The following SLC9C1 variants were observed in gnomAD, a reference collection of about 807,000 sequenced individuals.
The protein encoded by SLC9C1 is solute carrier family 9 member C1, also known as sodium/hydrogen exchanger 10.
A neutral mutation model predicts 140.9 loss-of-function variants in SLC9C1; 97 were observed. That is an observed-to-expected ratio of 0.69 (90% CI 0.58 to 0.82). The LOEUF (loss-of-function observed/expected upper bound fraction) is 0.82, where lower values mean the gene tolerates loss of function less well. SLC9C1 is among the 40% of genes least tolerant of loss of function. SLC9C1 has a pLI of 0.00. For missense variants in SLC9C1, 1,340 were observed against 1,389.3 expected (o/e 0.96, Z 0.56); for synonymous variants, 440 against 442.6 (o/e 0.99, Z 0.07).
chr3:112,235,575 A>T (rs1475004641), intron 12 of SLC9C1, among the ~76,000 whole-genome samples: 1 of 151,450 alleles, frequency 6.6e-6, no homozygotes, highest in East Asian at 2.0e-4. Context: ...GAATGCTTCC[A>T]GTTTTTGCCC....
At chr3:112,290,864 A>G (rs369858039) in intron 1 of SLC9C1, among the ~76,000 whole-genome samples, 1 of 150,212 alleles carries the variant, frequency 6.7e-6, no homozygotes, top group African/African-American at 2.5e-5. Flanking sequence ...TTTGTCTGAA[A>G]TCAGGATTGC....
At chr3:112,174,036 G>T (rs1458454187) in intron 23 of SLC9C1, among the ~76,000 whole-genome samples, 1 of 152,168 alleles carries the variant, frequency 6.6e-6, no homozygotes, top group Non-Finnish European at 1.5e-5. Flanking sequence ...TAAATGGTTA[G>T]TGATCGTCAG....
intron 1 of SLC9C1, among the ~76,000 whole-genome samples, chr3:112,288,042 C>CAAAAAAAAA (rs11462109): frequency 1.2e-5 from 1 of 81,828 alleles, no homozygotes; most frequent in Non-Finnish European, 2.2e-5. Context: ...GACTCCGTCT[C>CAAAAAAAAA]AAAAAAAAAA....
chr3:112,239,982 T>G lies in SLC9C1; in HGVS notation c.1304A>C (p.Lys435Thr). The G allele has an allele frequency of 6.2e-7, 1 of 1,611,642 alleles. No individual in the cohort carries two copies. The highest frequency in any genetic ancestry group is 8.5e-7 in the Non-Finnish European group (1 of 1,179,144). The change falls in exon 12 of 29, where the codon AAA (lysine) becomes ACA (threonine). Residue 435 changes from lysine (K) to threonine (T), a missense_variant. Physicochemically the swap from Lys to Thr is moderately conservative, Grantham distance 78. Coordinates refer to ENST00000305815, the MANE Select transcript of SLC9C1 (RefSeq NM_183061.3). ...AAATGTGCAACAAACCGATTTATAT[T>G]TTGTTGATGTGGCATCACGAAGACC... ...ILGLRDATST[K>T]YKSVCCTFQH...
chr3:112,291,004 A>G (rs776474584), intron 1 of SLC9C1, among the ~76,000 whole-genome samples: 7 of 151,894 alleles, frequency 4.6e-5, no homozygotes, highest in Non-Finnish European at 1.0e-4. Flanking sequence ...TCATCCTGAC[A>G]CTCTGTGCCT....
rs573499621 is a variant in SLC9C1, at chr3:112,221,191, A to C, written c.1607T>G (p.Leu536Arg). 1 of 1,613,698 alleles carries C rather than the reference A, an allele frequency of 6.2e-7. No individual in the cohort carries two copies. The highest frequency in any genetic ancestry group is 2.2e-5 in the East Asian group (1 of 44,864). The change falls in exon 14 of 29, where the codon CTG becomes CGG. Residue 536 changes from leucine to arginine, a missense_variant. Coordinates refer to ENST00000305815, the MANE Select transcript of SLC9C1 (RefSeq NM_183061.3). ...CAACACCTGGACAGCACTCTGGGAC[A>C]GAATCTCATTCCTGTATTGTCTCTG... ...SYQRQYRNEI[L>R]SQSAVQVLVG...
chr3:112,267,152 G>C lies in SLC9C1; in HGVS notation c.776-812C>G, dbSNP rs1434051168. On this transcript the variant is annotated intron_variant, in intron 7 of 28. Coordinates refer to ENST00000305815, the MANE Select transcript of SLC9C1 (RefSeq NM_183061.3). The stretch of plus-strand genomic sequence containing the variant: ...AAATTGGCTTGGCTTGCTGGCACAT[G>C]CCTGTAGTACCAGCTACTTAGGAGG... Among the ~76,000 whole-genome samples the C allele has an allele frequency of 2.6e-5, 4 of 152,076 alleles. No homozygotes were observed. The East Asian group carries it at 7.7e-4, about 29-fold the overall frequency.
intron 9 of SLC9C1, among the ~76,000 whole-genome samples, chr3:112,263,952 C>G (rs2108296174): frequency 6.6e-6 from 1 of 151,586 alleles, no homozygotes; most frequent in East Asian, 1.9e-4. Flanking sequence ...AATGTCATTA[C>G]AAAAACATTG....
At position 112,182,207 on chromosome 3, in the gene SLC9C1, G is replaced by A. The variant is rs745686391; in HGVS notation, c.2575C>T (p.Pro859Ser). 1.2e-6 allele frequency: 2 copies of A among 1,607,368 alleles called. No homozygotes were observed. The highest frequency in any genetic ancestry group is 1.7e-5 in the Admixed American group (1 of 59,380). ...EVLDSQSIIR[P>S]LTVEEVLYHI... ...TATAGAACTTCTTCAACAGTAAGAG[G>A]CCTGATAATAGATTGAGAATCAAGC... Residue 859 changes from proline (P) to serine (S), a missense_variant, in exon 21 of 29, where the codon CCT (proline) becomes TCT (serine). By Grantham distance (74) the Pro-to-Ser change is moderately conservative. Transcript: ENST00000305815.
At chr3:112,161,590 G>T (rs2107887947) in intron 26 of SLC9C1, among the ~76,000 whole-genome samples, 1 of 152,100 alleles carries the variant, frequency 6.6e-6, no homozygotes. Context: ...TAGATATGTG[G>T]CGTTATTTCT....
intron 15 of SLC9C1, among the ~76,000 whole-genome samples, chr3:112,214,743 G>A (rs2078307681): frequency 6.6e-6 from 1 of 152,182 alleles, no homozygotes; most frequent in Non-Finnish European, 1.5e-5. Flanking sequence ...AAGAAGTCCA[G>A]GACCAGATGG....
chr3:112,292,044 A>T (rs1287168709), intron 1 of SLC9C1, among the ~76,000 whole-genome samples: 1 of 152,200 alleles, frequency 6.6e-6, no homozygotes, highest in Non-Finnish European at 1.5e-5. Flanking sequence ...GCATGTTCTC[A>T]CTTATAAGTG....
chr3:112,239,802 T>C (rs368438895), intron 12 of SLC9C1, 38 bp downstream of exon 12: 44 of 1,537,100 alleles, frequency 2.9e-5, no homozygotes, highest in Non-Finnish European at 3.8e-5. Context: ...TATAATCAAA[T>C]CTGCATTAAA....
In SLC9C1 at chr3:112,217,462, C is replaced by T. The variant is rs1467570378; in HGVS notation, c.1770G>A (p.Lys590=). The T allele has an allele frequency of 1.2e-5, 19 of 1,590,412 alleles. No individual in the cohort carries two copies. The highest frequency in any genetic ancestry group is 1.8e-5 in the Admixed American group (1 of 54,276). The change falls in exon 15 of 29, where the codon AAG becomes AAA. Residue 590 remains lysine (K), a synonymous_variant. Transcript: ENST00000305815. ...CTTACTTTGATGGGCCCTCTTTTTC[C>T]TTTCTGGTATTATACACCCAATTAA... ...LLLNWVYNTR[K]EKEGPSKYFF...
chr3:112,205,738 A>C (rs1448873017), intron 16 of SLC9C1, among the ~76,000 whole-genome samples: 1 of 140,718 alleles, frequency 7.1e-6, no homozygotes, highest in Non-Finnish European at 1.5e-5. Context: ...ACCTGAGAAA[A>C]ACAAGCAATG....
At chr3:112,263,779 C>A (rs1346729476) in intron 9 of SLC9C1, among the ~76,000 whole-genome samples, 2 of 151,604 alleles carry the variant, frequency 1.3e-5, no homozygotes, top group Non-Finnish European at 3.0e-5. Flanking sequence ...GAAAAAGAAA[C>A]TACAAAAATG....
intron 6 of SLC9C1, among the ~76,000 whole-genome samples, chr3:112,272,638 G>A (rs147079699): frequency 4.2e-4 from 64 of 152,166 alleles, no homozygotes; most frequent in East Asian, 1.4e-3. Context: ...TAAATTCATC[G>A]TTCTCTTTCT....
intron 17 of SLC9C1, 79 bp downstream of exon 17, chr3:112,204,139 A>G (rs1322503066): frequency 1.1e-5 from 15 of 1,315,372 alleles, no homozygotes; most frequent in Non-Finnish European, 1.5e-5. Flanking sequence ...TAACCATAAA[A>G]CTAGTAAACT....
intron 26 of SLC9C1, among the ~76,000 whole-genome samples, chr3:112,156,134 A>G (rs1477092384): frequency 2.0e-5 from 3 of 152,050 alleles, no homozygotes; most frequent in Non-Finnish European, 4.4e-5. Context: ...CCCCTTAGTC[A>G]ACTATTCTTC....
Sources: gnomAD v4.1 joint callset for allele counts (sites outside exome capture counted in the v4.1 genomes callset) on GRCh38, gnomAD v4.1.1 for gene constraint, MANE v1.5 for transcripts, NCBI Gene and HGNC (gene_info 2026-07-23, HGNC 2026-07-21) for gene names.